SSPN: variants seen among roughly 807,000 people sequenced by gnomAD.
SSPN encodes the protein sarcospan.
SSPN carries 15 observed loss-of-function variants against 19.1 expected under a neutral mutation model. That is an observed-to-expected ratio of 0.78 (90% CI 0.52 to 1.21). The LOEUF (loss-of-function observed/expected upper bound fraction) is 1.21, where lower values mean the gene tolerates loss of function less well. Among genes scored for constraint, SSPN ranks in the 50% most tolerant of loss-of-function variants. SSPN has a pLI of 0.00. For missense variants in SSPN, 291 were observed against 314.0 expected (o/e 0.93, Z 0.55); for synonymous variants, 147 against 140.3 (o/e 1.05, Z -0.34).
At position 26,195,954 on chromosome 12, in the gene SSPN, A is replaced by G; in HGVS notation, c.279+3A>G. The G allele has an allele frequency of 6.7e-7, 1 of 1,500,980 alleles. No homozygotes were observed. 93.0% of individuals were successfully genotyped at this position (1,500,980 alleles called of 1,614,324 possible). ...CTCCATTTTGGGCTGGGATCATTGT[A>G]AGCATCAAGTCTGTTTTGCCTAAGC... On this transcript the variant is annotated splice_donor_region_variant and intron_variant, in intron 1 of 2. Transcript: ENST00000242729.
chr12:26,180,254 A>G (rs190088851), intron 1 of SSPN: 2 of 152,300 alleles, frequency 1.3e-5, no homozygotes, highest in Non-Finnish European at 2.9e-5. Context: ...GCACAATTGG[A>G]CCTTGCAAAT....
At chr12:26,227,150 C>G (rs958796405) in intron 2 of SSPN, among the ~76,000 whole-genome samples, 1 of 152,202 alleles carries the variant, frequency 6.6e-6, no homozygotes, top group African/African-American at 2.4e-5. Context: ...GTAGGTAAAA[C>G]AAGCCACTTG....
intron 1 of SSPN, among the ~76,000 whole-genome samples, chr12:26,186,798 C>T (rs7955859): frequency 0.28 from 43,038 of 152,078 alleles, 6,168 homozygotes; most frequent in East Asian, 0.35. Context: ...TGGATTGAGC[C>T]TCTAAGTGTG....
Position 26,169,593 on chromosome 12 carries a change from A to AT in SSPN, c.-31+47450dup, listed in dbSNP as rs558232172. On this transcript the variant is annotated intron_variant, in intron 1 of 2. Coordinates refer to the SSPN transcript ENST00000538142. ...GGATTCAAATCATATATATATATAT[A>AT]TTTTTTTTTCTTAGTGCAGAGAGAA... 5.1e-3 allele frequency among the ~76,000 whole-genome samples: 614 copies of AT among 120,688 alleles called. 4 individuals carry two copies. The highest frequency in any genetic ancestry group is 0.016 in the African/African-American group (584 of 36,238). The allele number at this position is 120,688 out of a possible 152,430, so 79.2% of individuals were successfully genotyped here.
chr12:26,177,129 TGGATATA>T (rs1338629446), intron 1 of SSPN, among the ~76,000 whole-genome samples: 2 of 152,172 alleles, frequency 1.3e-5, no homozygotes, highest in Non-Finnish European at 2.9e-5. Context: ...AATGATTGAA[TGGATATA>T]GGGTTGTGGT....
chr12:26,123,014 G>C, intron 1 of SSPN: 2 of 1,570,596 alleles, frequency 1.3e-6, no homozygotes, highest in Non-Finnish European at 1.7e-6. Flanking sequence ...TGGCCACGGC[G>C]TGCAAGTGGT....
At chr12:26,218,282 A>G (rs1431893529) in intron 1 of SSPN, among the ~76,000 whole-genome samples, 3 of 97,256 alleles carry the variant, frequency 3.1e-5, no homozygotes, top group Admixed American at 1.2e-4. Flanking sequence ...TCACATGGAC[A>G]CAGGAAGGGG....
chr12:26,225,128 T>TA (rs57714050), intron 2 of SSPN, among the ~76,000 whole-genome samples: 4 of 152,110 alleles, frequency 2.6e-5, no homozygotes, highest in African/African-American at 9.6e-5. Context: ...TTTTTTTTTT[T>TA]AATTTGGTCC....
chr12:26,201,036 TA>T (rs1320607826), intron 1 of SSPN, among the ~76,000 whole-genome samples: 11 of 61,138 alleles, frequency 1.8e-4, no homozygotes, highest in African/African-American at 6.2e-4. Flanking sequence ...TATATATATA[TA>T]TATATATATT....
At chr12:26,132,213 A>G (rs1944400666) in intron 1 of SSPN, among the ~76,000 whole-genome samples, 1 of 152,084 alleles carries the variant, frequency 6.6e-6, no homozygotes. Context: ...TCACTGAATA[A>G]AGCTGCCCTG....
intron 1 of SSPN, among the ~76,000 whole-genome samples, chr12:26,150,732 G>C (rs758994657): frequency 6.6e-6 from 1 of 152,198 alleles, no homozygotes; most frequent in Non-Finnish European, 1.5e-5. Context: ...CAAATGCTGT[G>C]AGTGCTAGTG....
intron 1 of SSPN, among the ~76,000 whole-genome samples, chr12:26,145,182 C>G (rs183070683): frequency 6.6e-6 from 1 of 152,324 alleles, no homozygotes; most frequent in African/African-American, 2.4e-5. Context: ...TGCAAACGAG[C>G]TTTATTTTCT....
intron 1 of SSPN, among the ~76,000 whole-genome samples, chr12:26,171,624 ATT>A (rs3082328): frequency 0.39 from 58,155 of 149,284 alleles, 12,957 homozygotes; most frequent in African/African-American, 0.63. Flanking sequence ...TGTTTTCCCT[ATT>A]TTTTTTTTTG....
In SSPN at chr12:26,174,498, TCCTTC is replaced by T. The variant is rs1555177707; in HGVS notation, c.-30-49788_-30-49784del. The stretch of plus-strand genomic sequence containing the variant: ...ACGCTTCCTTCCTTCCTTCCTTCCT[TCCTTC>T]CCTTCCTTCCTTCCTTCCTTCCTTC... On this transcript the variant is annotated intron_variant, in intron 1 of 2. Transcript: ENST00000538142. 8.4e-5 allele frequency among the ~76,000 whole-genome samples: 10 copies of T among 119,172 alleles called. No individual in the cohort carries two copies. The South Asian group carries it at 2.3e-3, about 27-fold the overall frequency. The allele number at this position is 119,172 out of a possible 152,430, so 78.2% of individuals were successfully genotyped here.
chr12:26,131,951 A>T (rs1484910792), intron 1 of SSPN, among the ~76,000 whole-genome samples: 7 of 152,160 alleles, frequency 4.6e-5, no homozygotes, highest in Admixed American at 4.6e-4. Context: ...TTAACAGTTA[A>T]TTACCTTCTC....
At chr12:26,152,397 A>G (rs1468403198) in intron 1 of SSPN, among the ~76,000 whole-genome samples, 2 of 152,216 alleles carry the variant, frequency 1.3e-5, no homozygotes, top group Admixed American at 1.3e-4. Context: ...AATTTATTTA[A>G]TTATAAATTT....
At chr12:26,181,262 C>G (rs1944717159) in intron 1 of SSPN, 1 of 152,148 alleles carries the variant, frequency 6.6e-6, no homozygotes, top group African/African-American at 2.4e-5. Flanking sequence ...TAAAGTTACT[C>G]AATACAGTTG....
chr12:26,199,813 G>T (rs116426364), intron 1 of SSPN, among the ~76,000 whole-genome samples: 4 of 152,174 alleles, frequency 2.6e-5, no homozygotes, highest in Non-Finnish European at 4.4e-5. Context: ...GCTGTGCTAC[G>T]CATTGGCCTA....
chr12:26,210,509 T>C (rs567948598), intron 1 of SSPN, among the ~76,000 whole-genome samples: 1 of 152,186 alleles, frequency 6.6e-6, no homozygotes, highest in East Asian at 1.9e-4. Flanking sequence ...TCTCTCTCTC[T>C]GTGTCTCTCT....
Sources: gnomAD v4.1 joint callset for allele counts (sites outside exome capture counted in the v4.1 genomes callset) on GRCh38, gnomAD v4.1.1 for gene constraint, MANE v1.5 for transcripts, NCBI Gene and HGNC (gene_info 2026-07-23, HGNC 2026-07-21) for gene names.